CENPP: variants seen among roughly 807,000 people sequenced by gnomAD.
CENPP encodes the protein centromere protein P.
In CENPP, 24 loss-of-function variants were observed where a neutral mutation model predicts 35.6. The observed-to-expected ratio is 0.67, with a 90% CI of 0.49 to 0.95. The LOEUF (loss-of-function observed/expected upper bound fraction) is 0.95. Among genes scored for constraint, CENPP ranks in the 40% least tolerant of loss-of-function variants. The pLI is 0.00. For missense variants in CENPP, 332 were observed against 345.3 expected, an observed-to-expected ratio of 0.96 and a Z score of 0.31; for synonymous variants, 120 against 125.5, an observed-to-expected ratio of 0.96 and a Z score of 0.29.
intron 4 of CENPP, among the ~76,000 whole-genome samples, chr9:92,362,210 C>T (rs766202640): frequency 1.3e-5 from 2 of 151,326 alleles, no homozygotes; most frequent in Admixed American, 6.6e-5. Context: ...TCTATCTCTT[C>T]AAAAAGTTAA....
intron 5 of CENPP, among the ~76,000 whole-genome samples, chr9:92,488,988 A>G (rs1166605010): frequency 6.6e-6 from 1 of 152,242 alleles, no homozygotes; most frequent in African/African-American, 2.4e-5. Flanking sequence ...TTTCATACAG[A>G]AAAGGGAACA....
chr9:92,414,415 G>A (rs1843527716), intron 5 of CENPP: 1 of 205,566 alleles, frequency 4.9e-6, no homozygotes, highest in Admixed American at 5.9e-5. Context: ...GTTTAGGATA[G>A]TTGCTGAAAT....
chr9:92,380,220 ACT>A (rs1842213298), intron 5 of CENPP, among the ~76,000 whole-genome samples: 3 of 152,168 alleles, frequency 2.0e-5, no homozygotes. Flanking sequence ...CCTGAGCCAG[ACT>A]CTGTGTTTTC....
At chr9:92,348,403 T>C (rs1382119122) in intron 4 of CENPP, among the ~76,000 whole-genome samples, 1 of 151,928 alleles carries the variant, frequency 6.6e-6, no homozygotes, top group Non-Finnish European at 1.5e-5. Flanking sequence ...CTTTTTTTTT[T>C]TTTTTTGAGA....
At chr9:92,449,417 G>A (rs10992341) in intron 5 of CENPP, among the ~76,000 whole-genome samples, 50,373 of 124,644 alleles carry the variant, frequency 0.4, 11,372 homozygotes, top group African/African-American at 0.65. Context: ...CAGCCTGGGT[G>A]ATGAGCGAGA....
In CENPP at chr9:92,441,882, A is replaced by T. The variant is rs1345971303; in HGVS notation, c.564+62023A>T. On this transcript the variant is annotated intron_variant, in intron 5 of 7. Transcript: ENST00000375587. The stretch of plus-strand genomic sequence containing the variant: ...AAATTGTGGAACAGTTGGCAAGTTG[A>T]ACATTTGCTGGGTTTGATGATAGTA... Among the ~76,000 whole-genome samples, 3 of 152,160 alleles carry T rather than the reference A, an allele frequency of 2.0e-5. No individual in the cohort carries two copies. The East Asian group carries it at 5.8e-4, about 29-fold the overall frequency.
At chr9:92,376,509 G>A (rs1422884562) in intron 4 of CENPP, among the ~76,000 whole-genome samples, 1 of 152,070 alleles carries the variant, frequency 6.6e-6, no homozygotes, top group Non-Finnish European at 1.5e-5. Context: ...CACAGAGAGG[G>A]GTCCCAGAGA....
chr9:92,460,394 C>T (rs777226888), intron 5 of CENPP: 82 of 841,928 alleles, frequency 9.7e-5, no homozygotes, highest in Non-Finnish European at 1.5e-4. Context: ...ACTGGCTAAA[C>T]AGACAGTGAT....
At chr9:92,454,707 T>C (rs748932816) in intron 5 of CENPP, among the ~76,000 whole-genome samples, 10 of 152,190 alleles carry the variant, frequency 6.6e-5, no homozygotes, top group Middle Eastern at 3.2e-3. Context: ...TTATTCTTCA[T>C]AGCAACCTTG....
At position 92,387,680 on chromosome 9, in the gene CENPP, A is replaced by G. The variant is rs549779067; in HGVS notation, c.564+7821A>G. On this transcript the variant is annotated intron_variant, in intron 5 of 7. Transcript: ENST00000375587. ...TGTCTTCCCAGTGAGTCTCATTTAC[A>G]TGAGGTAGAATAACCTAATTCTACT... Among the ~76,000 whole-genome samples the G allele has an allele frequency of 6.6e-5, 10 of 152,318 alleles. No homozygotes were observed. In the South Asian group the frequency reaches 2.1e-3, roughly 32 times the overall value.
chr9:92,460,605 C>G, intron 5 of CENPP: 1 of 1,255,844 alleles, frequency 8.0e-7, no homozygotes. Flanking sequence ...AGTCAAGTAT[C>G]ACTAAGCCCA....
At chr9:92,394,164 ATTTG>A (rs1162588333) in intron 5 of CENPP, among the ~76,000 whole-genome samples, 8 of 151,978 alleles carry the variant, frequency 5.3e-5, no homozygotes, top group African/African-American at 1.9e-4. Context: ...TTCCTTCTAC[ATTTG>A]TTAGTTGGCA....
intron 5 of CENPP, among the ~76,000 whole-genome samples, chr9:92,477,744 A>G (rs1410371622): frequency 6.6e-6 from 1 of 151,950 alleles, no homozygotes; most frequent in African/African-American, 2.4e-5. Flanking sequence ...AAAATAAAAA[A>G]CCCGCAACTC....
At chr9:92,533,856 T>G (rs1849008257) in intron 5 of CENPP, among the ~76,000 whole-genome samples, 1 of 152,150 alleles carries the variant, frequency 6.6e-6, no homozygotes, top group Non-Finnish European at 1.5e-5. Context: ...GTGTTGCCGA[T>G]GAGAAATTTG....
In CENPP at chr9:92,337,538, C is replaced by A; in HGVS notation, c.290-3C>A. ...ACAAAATATTTGTTTTTCTGCTTTA[C>A]AGGTATTAGAAAAGTTCTACAGAGA... On this transcript the variant is annotated splice_region_variant and splice_polypyrimidine_tract_variant and intron_variant, in intron 2 of 7. Transcript: ENST00000375587. The A allele has an allele frequency of 1.9e-5, 29 of 1,544,416 alleles. No individual in the cohort carries two copies. The highest frequency in any genetic ancestry group is 2.5e-5 in the Non-Finnish European group (28 of 1,118,208).
intron 5 of CENPP, among the ~76,000 whole-genome samples, chr9:92,448,269 T>C (rs1844603370): frequency 6.6e-6 from 1 of 150,946 alleles, no homozygotes; most frequent in South Asian, 2.1e-4. Context: ...TTTTTCTCTT[T>C]TTTCTTTTTT....
Position 92,618,581 on chromosome 9 carries a change from C to A in CENPP, c.*5432C>A. 2.2e-6 allele frequency: 1 copy of A among 456,614 alleles called. No homozygotes were observed. Among genetic ancestry groups the A allele is most frequent in the South Asian group, 1.5e-5 (1 of 64,568 alleles). The allele number at this position is 456,614 out of a possible 1,614,324, so 28.3% of individuals were successfully genotyped here. On this transcript the variant is annotated 3_prime_UTR_variant, in exon 8 of 8. Transcript: ENST00000375587. ...GTGGGTTTTCTCTCATCGAACACCA[C>A]CAGCTTAATCCAGTTAAGGAATTCC... is the stretch of plus-strand genomic sequence containing the variant.
intron 4 of CENPP, among the ~76,000 whole-genome samples, chr9:92,355,143 G>A (rs1267513586): frequency 6.6e-6 from 1 of 152,128 alleles, no homozygotes; most frequent in Non-Finnish European, 1.5e-5. Flanking sequence ...GAACCGGTCT[G>A]GCCACAAATT....
intron 5 of CENPP, among the ~76,000 whole-genome samples, chr9:92,452,874 A>C (rs1202900745): frequency 2.0e-5 from 3 of 152,068 alleles, no homozygotes; most frequent in African/African-American, 4.8e-5. Context: ...TAGATTTTCT[A>C]GTTTATTTGC....
Sources: allele counts gnomAD v4.1 joint callset (sites outside exome capture counted in the v4.1 genomes callset), GRCh38; gene constraint gnomAD v4.1.1; transcripts MANE v1.5; gene names NCBI Gene and HGNC (gene_info 2026-07-23, HGNC 2026-07-21).